The following PCSK2 variants were observed in gnomAD, a reference collection of about 807,000 sequenced individuals.
PCSK2 encodes the protein proprotein convertase subtilisin/kexin type 2.
A neutral mutation model predicts 69.7 loss-of-function variants in PCSK2; 14 were observed. That is an observed-to-expected ratio of 0.20 (90% CI 0.13 to 0.31). The LOEUF (loss-of-function observed/expected upper bound fraction) is 0.31. PCSK2 is among the 10% of genes least tolerant of loss of function. The pLI, the probability that PCSK2 is intolerant of heterozygous loss-of-function variation, is 1.00. For missense variants in PCSK2, 544 were observed against 842.5 expected (o/e 0.65, Z 4.39); for synonymous variants, 307 against 320.7 (o/e 0.96, Z 0.46).
At chr20:17,383,011 A>G (rs946968124) in intron 5 of PCSK2, among the ~76,000 whole-genome samples, 1 of 152,116 alleles carries the variant, frequency 6.6e-6, no homozygotes. Context: ...GTTTTGTTGC[A>G]TGTGTTCCCC....
At chr20:17,293,746 A>C (rs1175188302) in intron 2 of PCSK2, among the ~76,000 whole-genome samples, 3 of 152,204 alleles carry the variant, frequency 2.0e-5, no homozygotes, top group African/African-American at 7.2e-5. Context: ...AATTTTAAAA[A>C]TCTATATTCC....
intron 2 of PCSK2, among the ~76,000 whole-genome samples, chr20:17,337,963 G>A (rs1990401767): frequency 6.6e-6 from 1 of 150,668 alleles, no homozygotes; most frequent in South Asian, 2.1e-4. Context: ...AAGAGAAAGA[G>A]GGAAATAAGG....
At chr20:17,326,887 G>T (rs1990071239) in intron 2 of PCSK2, among the ~76,000 whole-genome samples, 1 of 152,160 alleles carries the variant, frequency 6.6e-6, no homozygotes, top group Non-Finnish European at 1.5e-5. Flanking sequence ...TCCGGGGGAG[G>T]CCAGCTGCCT....
intron 2 of PCSK2, among the ~76,000 whole-genome samples, chr20:17,294,740 A>G (rs1988830533): frequency 1.3e-5 from 2 of 152,166 alleles, no homozygotes; most frequent in African/African-American, 4.8e-5. Flanking sequence ...AAATTTCACT[A>G]GATGTGATTT....
chr20:17,450,074 C>T (rs1029557222), intron 8 of PCSK2, among the ~76,000 whole-genome samples: 1 of 110,126 alleles, frequency 9.1e-6, no homozygotes, highest in African/African-American at 3.5e-5. Context: ...GTCGCCTAGG[C>T]TGGAGTGCAG....
chr20:17,239,566 C>T lies in PCSK2; in HGVS notation c.177+12084C>T, dbSNP rs538311702. On this transcript the variant is annotated intron_variant, in intron 1 of 11. Transcript: ENST00000262545. ...AGAAACAAACCATTCTGGCCATAAA[C>T]TAGAAAATGAGGAGAGGACCAAAGA... Among the ~76,000 whole-genome samples the T allele has an allele frequency of 4.6e-5, 7 of 152,170 alleles. No individual in the cohort carries two copies. In the South Asian group the frequency reaches 1.5e-3, roughly 32 times the overall value.
chr20:17,326,884 GA>G (rs1990071127), intron 2 of PCSK2, among the ~76,000 whole-genome samples: 1 of 152,170 alleles, frequency 6.6e-6, no homozygotes, highest in South Asian at 2.1e-4. Flanking sequence ...CAATCCGGGG[GA>G]GGCCAGCTGC....
rs577750480 is a variant in PCSK2, at chr20:17,306,334, G to A, written c.282+45990G>A. The stretch of plus-strand genomic sequence containing the variant: ...TTAAATTATGCCCCCCCAAAAAAAC[G>A]CATAAAAATAAGCCCTTCGGTGACT... On this transcript the variant is annotated intron_variant, in intron 2 of 11. Coordinates refer to ENST00000262545, the MANE Select transcript of PCSK2 (RefSeq NM_002594.5). Among the ~76,000 whole-genome samples the A allele has an allele frequency of 7.2e-5, 11 of 152,066 alleles. No individual in the cohort carries two copies. The South Asian group carries it at 8.3e-4, about 11-fold the overall frequency.
At chr20:17,233,963 C>T (rs1198135534) in intron 1 of PCSK2, among the ~76,000 whole-genome samples, 1 of 152,156 alleles carries the variant, frequency 6.6e-6, no homozygotes, top group East Asian at 1.9e-4. Flanking sequence ...CATTTTGACA[C>T]CAAATGCCAA....
intron 9 of PCSK2, among the ~76,000 whole-genome samples, chr20:17,455,180 A>T (rs570888323): frequency 6.6e-6 from 1 of 151,484 alleles, no homozygotes; most frequent in East Asian, 2.0e-4. Context: ...CGTATTTATG[A>T]CTCTTTCTAC....
intron 5 of PCSK2, among the ~76,000 whole-genome samples, chr20:17,390,063 T>C (rs117754007): frequency 1.0e-3 from 157 of 152,314 alleles, no homozygotes; most frequent in Non-Finnish European, 2.1e-3. Context: ...TGGAATACTA[T>C]CCCACAACAA....
intron 11 of PCSK2, 22 bp downstream of exon 11, chr20:17,465,575 TCTG>T: frequency 6.8e-7 from 1 of 1,462,110 alleles, no homozygotes; most frequent in Non-Finnish European, 9.4e-7. Context: ...TAGTGGTCCC[TCTG>T]CTGCATGTGG....
intron 11 of PCSK2, among the ~76,000 whole-genome samples, chr20:17,474,357 A>G (rs372631581): frequency 6.6e-6 from 1 of 152,080 alleles, no homozygotes; most frequent in Non-Finnish European, 1.5e-5. Flanking sequence ...CCAGTGTCCA[A>G]GGCTTCTAGG....
At chr20:17,261,177 A>G (rs984743150) in intron 2 of PCSK2, among the ~76,000 whole-genome samples, 1 of 152,232 alleles carries the variant, frequency 6.6e-6, no homozygotes, top group African/African-American at 2.4e-5. Context: ...TACAAGAATC[A>G]CTAGGAAGGA....
At chr20:17,424,846 G>A (rs569151534) in intron 6 of PCSK2, among the ~76,000 whole-genome samples, 95 of 151,928 alleles carry the variant, frequency 6.3e-4, no homozygotes, top group African/African-American at 1.9e-3. Context: ...GTGCAGTGGC[G>A]TAATCTTGGC....
At chr20:17,267,413 T>C (rs1987660725) in intron 2 of PCSK2, among the ~76,000 whole-genome samples, 1 of 152,152 alleles carries the variant, frequency 6.6e-6, no homozygotes, top group Non-Finnish European at 1.5e-5. Flanking sequence ...GGCAGAGGTA[T>C]CTTCATGGAT....
chr20:17,309,913 G>A (rs1989449604), intron 2 of PCSK2, among the ~76,000 whole-genome samples: 1 of 150,090 alleles, frequency 6.7e-6, no homozygotes, highest in African/African-American at 2.5e-5. Flanking sequence ...GAAGAAGAAA[G>A]GGAAGGGGAA....
At chr20:17,389,798 A>G (rs1246567801) in intron 5 of PCSK2, among the ~76,000 whole-genome samples, 1 of 152,192 alleles carries the variant, frequency 6.6e-6, no homozygotes, top group Non-Finnish European at 1.5e-5. Context: ...ACCTACCTAC[A>G]ACCTCTTACA....
intron 5 of PCSK2, among the ~76,000 whole-genome samples, chr20:17,378,257 T>A (rs1336012861): frequency 1.3e-5 from 2 of 152,102 alleles, no homozygotes; most frequent in Non-Finnish European, 2.9e-5. Flanking sequence ...ACATGGGGGA[T>A]GAACTTGTTT....
Sources: gnomAD v4.1 joint callset for allele counts (sites outside exome capture counted in the v4.1 genomes callset) on GRCh38, gnomAD v4.1.1 for gene constraint, MANE v1.5 for transcripts, NCBI Gene and HGNC (gene_info 2026-07-23, HGNC 2026-07-21) for gene names.